Variants in MYOF observed in about 807,000 individuals in gnomAD.
MYOF encodes the protein fer-1-like 3, myoferlin.
Under a neutral mutation model 284.2 loss-of-function variants are expected in MYOF, and 244 were observed. The observed-to-expected ratio is 0.86, with a 90% confidence interval of 0.77 to 0.95. The LOEUF (loss-of-function observed/expected upper bound fraction) is 0.95, where lower values mean the gene tolerates loss of function less well. Among genes scored for constraint, MYOF ranks in the 40% least tolerant of loss-of-function variants. The pLI is 0.00. For synonymous variants in MYOF, 904 were observed against 919.7 expected (o/e 0.98, Z 0.31); for missense variants, 2,496 against 2,560.6 (o/e 0.97, Z 0.54).
chr10:93,382,784 T>C (rs1196517921), intron 19 of MYOF, among the ~76,000 whole-genome samples: 1 of 152,260 alleles, frequency 6.6e-6, no homozygotes, highest in African/African-American at 2.4e-5. Context: ...TGTTTCATTA[T>C]GTCCCGTGCA....
chr10:93,431,392 G>C lies in MYOF; in HGVS notation c.345+16C>G, dbSNP rs1318484916. On this transcript the variant is annotated intron_variant, in intron 4 of 53. Transcript: ENST00000359263. ...ATCTCACTTCAAAGCCATTCAATAA[G>C]AGAGAAAACACTCACCCCAGTATCT... The C allele has an allele frequency of 1.9e-6, 3 of 1,607,682 alleles. No individual in the cohort carries two copies. Among genetic ancestry groups the C allele is most frequent in the Non-Finnish European group, 2.6e-6 (3 of 1,174,620 alleles).
chr10:93,358,057 G>T (rs757609793), intron 29 of MYOF, among the ~76,000 whole-genome samples: 14 of 152,130 alleles, frequency 9.2e-5, no homozygotes, highest in Non-Finnish European at 1.2e-4. Flanking sequence ...CTATCCATCT[G>T]ACAAAGGTCT....
intron 1 of MYOF, among the ~76,000 whole-genome samples, chr10:93,478,860 G>GAAAGAAAGAAAGAAAGAAA (rs1421937106): frequency 4.5e-4 from 66 of 145,722 alleles, no homozygotes; most frequent in South Asian, 6.7e-4. Context: ...AAGAAAGAAA[G>GAAAGAAAGAAAGAAAGAAA]GGTTTGAACA....
chr10:93,465,494 A>ATTTCTTTCTTTTTCTTTTCTTT (rs1452983471), intron 1 of MYOF, among the ~76,000 whole-genome samples: 68 of 138,526 alleles, frequency 4.9e-4, no homozygotes, highest in Non-Finnish European at 9.5e-4. Context: ...CTATCAGATG[A>ATTTCTTTCTTTTTCTTTTCTTT]TTTCTTTCTT....
In MYOF at chr10:93,431,391, A is replaced by T. The variant is rs1236509251; in HGVS notation, c.345+17T>A. 6.2e-7 allele frequency: 1 copy of T among 1,608,152 alleles called. No individual in the cohort carries two copies. The highest frequency in any genetic ancestry group is 1.3e-5 in the African/African-American group (1 of 74,898). ...CATCTCACTTCAAAGCCATTCAATA[A>T]GAGAGAAAACACTCACCCCAGTATC... On this transcript the variant is annotated intron_variant, in intron 4 of 53. Transcript: ENST00000359263.
At chr10:93,477,484 C>G (rs1445502082) in intron 1 of MYOF, among the ~76,000 whole-genome samples, 1 of 54,746 alleles carries the variant, frequency 1.8e-5, no homozygotes, top group African/African-American at 5.2e-5. Flanking sequence ...AAGAGCGAAA[C>G]TCTGTGTAAA....
intron 2 of MYOF, among the ~76,000 whole-genome samples, chr10:93,453,378 C>G (rs1288038601): frequency 6.6e-6 from 1 of 152,182 alleles, no homozygotes; most frequent in African/African-American, 2.4e-5. Flanking sequence ...GTTGGCCAGG[C>G]TGGTCTCGAA....
At position 93,453,908 on chromosome 10, in the gene MYOF, C is replaced by T. The variant is rs560142428; in HGVS notation, c.145-1767G>A. Reference sequence around the variant, plus strand: ...TCAAAAAAGAAAAAAAAGAGCCGGGCGCAGTGGCTCATGCCTGTAATCCCA... The same window carrying T: ...TCAAAAAAGAAAAAAAAGAGCCGGGTGCAGTGGCTCATGCCTGTAATCCCA... On this transcript the variant is annotated intron_variant, in intron 2 of 53. Transcript: ENST00000359263. Among the ~76,000 whole-genome samples the T allele has an allele frequency of 1.3e-3, 198 of 151,416 alleles. 3 individuals carry two copies. In the South Asian group the frequency reaches 0.037, roughly 28 times the overall value.
At chr10:93,454,245 C>T (rs927283697) in intron 2 of MYOF, among the ~76,000 whole-genome samples, 2 of 151,862 alleles carry the variant, frequency 1.3e-5, no homozygotes, top group Non-Finnish European at 2.9e-5. Context: ...TTGGGGTTGA[C>T]ATTTCATTTG....
At chr10:93,321,483 C>T (rs1040330652) in intron 48 of MYOF, among the ~76,000 whole-genome samples, 5 of 145,720 alleles carry the variant, frequency 3.4e-5, no homozygotes, top group Non-Finnish European at 7.5e-5. Flanking sequence ...CTTCAAACTA[C>T]GGGGCTCAAG....
chr10:93,342,630 C>G (rs573582913), intron 38 of MYOF, among the ~76,000 whole-genome samples: 1 of 152,204 alleles, frequency 6.6e-6, no homozygotes, highest in Non-Finnish European at 1.5e-5. Flanking sequence ...AACGAAAATA[C>G]TGGCATAGCT....
At chr10:93,476,056 A>G (rs2057253168) in intron 1 of MYOF, among the ~76,000 whole-genome samples, 1 of 152,034 alleles carries the variant, frequency 6.6e-6, no homozygotes, top group Non-Finnish European at 1.5e-5. Flanking sequence ...TGTTTTGTCA[A>G]TACAATACAG....
chr10:93,396,049 C>T, intron 16 of MYOF, 93 bp downstream of exon 16: 1 of 938,414 alleles, frequency 1.1e-6, no homozygotes, highest in Non-Finnish European at 1.6e-6. Flanking sequence ...AGAAACCAAA[C>T]CTACTGTGAG....
intron 53 of MYOF, among the ~76,000 whole-genome samples, chr10:93,309,573 G>A (rs1280565891): frequency 6.6e-6 from 1 of 152,174 alleles, no homozygotes; most frequent in Non-Finnish European, 1.5e-5. Context: ...TGGGGAGGTT[G>A]GGATCAATGA....
At chr10:93,431,635 T>A (rs1250775788) in intron 3 of MYOF, 119 bp from the exon 4 acceptor site, 1 of 712,950 alleles carries the variant, frequency 1.4e-6, no homozygotes, top group African/African-American at 1.8e-5. Context: ...TATAATGAGA[T>A]GTGGGCCATT....
chr10:93,479,190 G>A (rs1010218888), intron 1 of MYOF, among the ~76,000 whole-genome samples: 1 of 151,348 alleles, frequency 6.6e-6, no homozygotes, highest in Non-Finnish European at 1.5e-5. Context: ...TCCCAGGCTG[G>A]AGTGCAGTGG....
chr10:93,345,087 C>T (rs1844124756), intron 37 of MYOF, among the ~76,000 whole-genome samples: 1 of 152,194 alleles, frequency 6.6e-6, no homozygotes, highest in African/African-American at 2.4e-5. Context: ...AGGCCAGAAC[C>T]TAGACAGAAC....
At chr10:93,476,691 G>A (rs2057271756) in intron 1 of MYOF, among the ~76,000 whole-genome samples, 1 of 152,060 alleles carries the variant, frequency 6.6e-6, no homozygotes, top group Non-Finnish European at 1.5e-5. Context: ...AGCCATTACA[G>A]CCCCATTTTT....
At chr10:93,362,792 T>A (rs1485893592) in intron 27 of MYOF, among the ~76,000 whole-genome samples, 2 of 152,148 alleles carry the variant, frequency 1.3e-5, no homozygotes, top group Non-Finnish European at 2.9e-5. Context: ...GCAAAGATTA[T>A]AAAGCGGGAT....
Sources: gnomAD v4.1 joint callset for allele counts (sites outside exome capture counted in the v4.1 genomes callset) on GRCh38, gnomAD v4.1.1 for gene constraint, MANE v1.5 for transcripts, NCBI Gene and HGNC (gene_info 2026-07-23, HGNC 2026-07-21) for gene names.